Variants in SRBD1 observed in about 807,000 individuals in gnomAD.
SRBD1 encodes the protein S1 RNA binding domain 1.
SRBD1 carries 88 observed loss-of-function variants against 115.3 expected under a neutral mutation model. The observed-to-expected ratio is 0.76, with a 90% CI of 0.64 to 0.91. The LOEUF is 0.91. Ranked by LOEUF, SRBD1 falls within the 40% of genes least tolerant of loss-of-function variation. The pLI is 0.00. For synonymous variants in SRBD1, 509 were observed against 407.7 expected (o/e 1.25, Z -2.99); for missense variants, 1,385 against 1,177.4 (o/e 1.18, Z -2.58).
chr2:45,525,553 G>A (rs1187053696), intron 14 of SRBD1, among the ~76,000 whole-genome samples: 4 of 151,838 alleles, frequency 2.6e-5, no homozygotes, highest in Non-Finnish European at 5.9e-5. Context: ...ACAATATATT[G>A]TATTCTTAAA....
intron 20 of SRBD1, among the ~76,000 whole-genome samples, chr2:45,391,718 A>G (rs1436105216): frequency 6.6e-6 from 1 of 152,212 alleles, no homozygotes; most frequent in Admixed American, 6.5e-5. Flanking sequence ...TTTTTGCTCA[A>G]CAACTTGGTA....
At chr2:45,411,549 T>C (rs149104123) in intron 19 of SRBD1, among the ~76,000 whole-genome samples, 96 of 152,140 alleles carry the variant, frequency 6.3e-4, no homozygotes, top group African/African-American at 1.4e-3. Context: ...CTCTGGGAGG[T>C]TGGGGCAGTA....
At chr2:45,521,129 C>T (rs1671269004) in intron 14 of SRBD1, among the ~76,000 whole-genome samples, 1 of 152,118 alleles carries the variant, frequency 6.6e-6, no homozygotes, top group African/African-American at 2.4e-5. Context: ...AAGCCACACC[C>T]CTGTCGCACG....
At chr2:45,422,602 A>AT (rs1475430319) in intron 16 of SRBD1, among the ~76,000 whole-genome samples, 2 of 152,260 alleles carry the variant, frequency 1.3e-5, no homozygotes, top group Admixed American at 1.3e-4. Flanking sequence ...GGAATACAAC[A>AT]TAAATTGGTC....
rs56909656 is a variant in SRBD1, at chr2:45,545,283, T to TAAAAAAAAAAAAAA, written c.1874+1435_1874+1448dup. On this transcript the variant is annotated intron_variant, in intron 14 of 20. Coordinates refer to ENST00000263736, the MANE Select transcript of SRBD1 (RefSeq NM_018079.5). ...TGACAGAGCGAGACTCTGTCTCAAT[T>TAAAAAAAAAAAAAA]AAAAAAAAAAAAAAAAAAAAAAAAA... Among the ~76,000 whole-genome samples the TAAAAAAAAAAAAAA allele has an allele frequency of 4.4e-4, 30 of 68,574 alleles. 2 individuals carry two copies. The highest frequency in any genetic ancestry group is 1.3e-3 in the African/African-American group (19 of 14,782). The allele number at this position is 68,574 out of a possible 152,430, so 45.0% of individuals were successfully genotyped here.
chr2:45,586,949 A>C (rs1673546372), intron 4 of SRBD1, among the ~76,000 whole-genome samples: 1 of 145,504 alleles, frequency 6.9e-6, no homozygotes, highest in East Asian at 2.0e-4. Context: ...AAAATATTTA[A>C]AATTATTTTA....
chr2:45,476,470 G>T (rs1669805771), intron 16 of SRBD1, among the ~76,000 whole-genome samples: 1 of 152,112 alleles, frequency 6.6e-6, no homozygotes, highest in South Asian at 2.1e-4. Flanking sequence ...ATACCATTTT[G>T]CTATCACCAT....
intron 1 of SRBD1, among the ~76,000 whole-genome samples, chr2:45,606,049 T>C (rs1304040302): frequency 2.0e-5 from 3 of 152,074 alleles, no homozygotes; most frequent in African/African-American, 7.2e-5. Context: ...TTTTTAAGAA[T>C]TGTGTGCTTA....
Position 45,574,658 on chromosome 2 carries a change from C to A in SRBD1, c.1138G>T (p.Asp380Tyr). Residue 380 changes from aspartate to tyrosine, a missense_variant, in exon 8 of 21, where the codon GAC (aspartate) becomes TAC (tyrosine). Physicochemically the swap from Asp to Tyr is radical, Grantham distance 160. Coordinates refer to ENST00000263736, the MANE Select transcript of SRBD1 (RefSeq NM_018079.5). ...CGAATGAAGTCAAGCGTGTCTTTGT[C>A]TTTAGCAATCATATCTGCTAAAATA... ...QHILADMIAK[D>Y]KDTLDFIRNL... 1 of 1,613,820 alleles carries A rather than the reference C, an allele frequency of 6.2e-7. No individual in the cohort carries two copies. Among genetic ancestry groups the A allele is most frequent in the East Asian group, 2.2e-5 (1 of 44,838 alleles).
At chr2:45,447,908 TAACATAC>T (rs1291388754) in intron 16 of SRBD1, 1 of 152,204 alleles carries the variant, frequency 6.6e-6, no homozygotes, top group African/African-American at 2.4e-5. Flanking sequence ...CTCCATATCT[TAACATAC>T]AACATACAAC....
chr2:45,586,659 C>G (rs892330561), intron 4 of SRBD1, among the ~76,000 whole-genome samples: 1 of 151,632 alleles, frequency 6.6e-6, no homozygotes, highest in Admixed American at 6.6e-5. Context: ...GATCCTCCAG[C>G]CTCAGCCTCC....
At chr2:45,486,417 C>T (rs1670120058) in intron 15 of SRBD1, among the ~76,000 whole-genome samples, 1 of 151,948 alleles carries the variant, frequency 6.6e-6, no homozygotes. Context: ...CTTTTTAAGC[C>T]TCAGTTTCCT....
At chr2:45,414,657 TAC>T (rs971854426) in intron 18 of SRBD1, among the ~76,000 whole-genome samples, 1 of 150,104 alleles carries the variant, frequency 6.7e-6, no homozygotes, top group African/African-American at 2.5e-5. Flanking sequence ...AGTATGCACA[TAC>T]ACACATAGTG....
chr2:45,592,430 T>A (rs1011372305), intron 4 of SRBD1, among the ~76,000 whole-genome samples: 2 of 152,086 alleles, frequency 1.3e-5, no homozygotes, highest in East Asian at 3.9e-4. Context: ...GCCTATAAAG[T>A]CCTAGGATCA....
chr2:45,608,528 TA>T (rs1674344048), intron 1 of SRBD1, among the ~76,000 whole-genome samples: 1 of 152,208 alleles, frequency 6.6e-6, no homozygotes, highest in South Asian at 2.1e-4. Context: ...CTTTGTGTCA[TA>T]AAACTTGTTA....
chr2:45,480,892 C>T (rs569549432), intron 15 of SRBD1, among the ~76,000 whole-genome samples: 1 of 152,162 alleles, frequency 6.6e-6, no homozygotes, highest in Admixed American at 6.5e-5. Flanking sequence ...AAAAGGCTAC[C>T]AAACAGCATC....
intron 5 of SRBD1, among the ~76,000 whole-genome samples, chr2:45,585,013 G>A (rs770131894): frequency 2.6e-5 from 4 of 152,068 alleles, no homozygotes; most frequent in Non-Finnish European, 4.4e-5. Flanking sequence ...AGTGGGGCGT[G>A]GTGGCGCATT....
rs184374762 is a variant in SRBD1, at chr2:45,560,876, T to C, written c.1409+1777A>G. On this transcript the variant is annotated intron_variant, in intron 10 of 20. Coordinates refer to ENST00000263736, the MANE Select transcript of SRBD1 (RefSeq NM_018079.5). Reference sequence around the variant, plus strand: ...ACGCCAGCATTTTGGGAGGCTCAGATAGAAGGACCGCTTGAGCCCAGGAGT... The same window carrying C: ...ACGCCAGCATTTTGGGAGGCTCAGACAGAAGGACCGCTTGAGCCCAGGAGT... 4.6e-5 allele frequency among the ~76,000 whole-genome samples: 7 copies of C among 151,410 alleles called. No homozygotes were observed. In the East Asian group the frequency reaches 1.2e-3, roughly 25 times the overall value.
intron 9 of SRBD1, among the ~76,000 whole-genome samples, chr2:45,571,926 A>T (rs144557417): frequency 6.6e-6 from 1 of 152,292 alleles, no homozygotes; most frequent in African/African-American, 2.4e-5. Context: ...ATATAATGGG[A>T]GACCCAGGAG....
Sources: allele counts gnomAD v4.1 joint callset (sites outside exome capture counted in the v4.1 genomes callset), GRCh38; gene constraint gnomAD v4.1.1; transcripts MANE v1.5; gene names NCBI Gene and HGNC (gene_info 2026-07-23, HGNC 2026-07-21).